ANKS6: variants seen among roughly 807,000 people sequenced by gnomAD.
ANKS6 encodes the protein ankyrin repeat and SAM domain-containing protein 6.
Under a neutral mutation model 77.9 loss-of-function variants are expected in ANKS6, and 47 were observed. The observed-to-expected ratio is 0.60, with a 90% CI of 0.48 to 0.77. The LOEUF is 0.77. Ranked by LOEUF, ANKS6 falls within the 30% of genes least tolerant of loss-of-function variation. The pLI, the probability that ANKS6 is intolerant of heterozygous loss-of-function variation, is 0.00. For synonymous variants in ANKS6, 488 were observed against 501.7 expected, an observed-to-expected ratio of 0.97 and a Z score of 0.37; for missense variants, 1,150 against 1,159.1, an observed-to-expected ratio of 0.99 and a Z score of 0.11.
chr9:98,750,549 C>T (rs1188478755), intron 13 of ANKS6, among the ~76,000 whole-genome samples: 1 of 152,178 alleles, frequency 6.6e-6, no homozygotes, highest in Non-Finnish European at 1.5e-5. Flanking sequence ...AGTAGGACTG[C>T]TGGGTCACAC....
chr9:98,756,651 GAAATGAGGA>G, intron 11 of ANKS6, 48 bp from the exon 12 acceptor site: 1 of 1,405,476 alleles, frequency 7.1e-7, no homozygotes, highest in Non-Finnish European at 9.3e-7. Context: ...CTGTAGGGTA[GAAATGAGGA>G]AAACAAGACA....
intron 11 of ANKS6, among the ~76,000 whole-genome samples, chr9:98,760,472 G>A (rs1440910859): frequency 6.6e-6 from 1 of 152,170 alleles, no homozygotes; most frequent in Non-Finnish European, 1.5e-5. Flanking sequence ...CTACTTAGGG[G>A]CTGCCAGCCA....
intron 14 of ANKS6, among the ~76,000 whole-genome samples, chr9:98,738,542 C>T (rs916570374): frequency 1.3e-5 from 2 of 151,284 alleles, no homozygotes; most frequent in African/African-American, 4.9e-5. Context: ...TGTGGTACCA[C>T]CTTACTCCTG....
intron 9 of ANKS6, among the ~76,000 whole-genome samples, chr9:98,772,164 T>A (rs951248597): frequency 2.6e-5 from 4 of 152,218 alleles, no homozygotes; most frequent in African/African-American, 9.6e-5. Flanking sequence ...ACCTAAGATG[T>A]GCCCAAGTCA....
chr9:98,753,661 A>G (rs890514273), intron 12 of ANKS6, among the ~76,000 whole-genome samples: 1 of 151,866 alleles, frequency 6.6e-6, no homozygotes, highest in Admixed American at 6.6e-5. Context: ...GTGTTTGCCA[A>G]TTTCCATGGT....
At chr9:98,748,616 T>C (rs1832268848) in intron 13 of ANKS6, among the ~76,000 whole-genome samples, 1 of 152,134 alleles carries the variant, frequency 6.6e-6, no homozygotes, top group Non-Finnish European at 1.5e-5. Context: ...GGAATGTGGA[T>C]GTGATGGCTG....
intron 14 of ANKS6, among the ~76,000 whole-genome samples, 183 bp from the exon 15 acceptor site, chr9:98,736,806 C>T (rs1169676838): frequency 1.3e-5 from 2 of 152,090 alleles, no homozygotes; most frequent in Admixed American, 1.3e-4. Flanking sequence ...TCAGAATCTC[C>T]CCAGTACCCA....
chr9:98,743,286 C>T (rs1253303206), intron 14 of ANKS6, among the ~76,000 whole-genome samples: 1 of 148,030 alleles, frequency 6.8e-6, no homozygotes, highest in Non-Finnish European at 1.5e-5. Context: ...CCCACCATCA[C>T]TCACCCACCT....
intron 1 of ANKS6, among the ~76,000 whole-genome samples, chr9:98,792,723 G>C (rs1296953532): frequency 6.6e-6 from 1 of 152,076 alleles, no homozygotes; most frequent in Non-Finnish European, 1.5e-5. Flanking sequence ...TCACAGATTA[G>C]GAAACTGAAG....
intron 11 of ANKS6, among the ~76,000 whole-genome samples, chr9:98,760,668 C>G (rs974885669): frequency 1.3e-5 from 2 of 152,206 alleles, no homozygotes; most frequent in East Asian, 3.8e-4. Context: ...TTGGGTCTGT[C>G]TTCTTTCACT....
rs200201069 is a variant in ANKS6, at chr9:98,790,194, C to T, written c.772G>A (p.Glu258Lys). The change falls in exon 2 of 15, where the codon GAG becomes AAG. Residue 258 changes from glutamate (E) to lysine (K), a missense_variant. Transcript: ENST00000353234. ...AGTGCAACCTCGAAGGCGGTCTTCTCCAGCACGCTGAGGTGGTCAGGGTTG... is the reference window on the plus strand; with the variant it reads ...AGTGCAACCTCGAAGGCGGTCTTCTTCAGCACGCTGAGGTGGTCAGGGTTG... ...GANPDHLSVL[E>K]KTAFEVALDC... is the part of the protein sequence containing the mutation. The T allele has an allele frequency of 1.9e-6, 3 of 1,604,048 alleles. No homozygotes were observed. The Admixed American group carries it at 5.0e-5, about 27-fold the overall frequency.
intron 6 of ANKS6, among the ~76,000 whole-genome samples, chr9:98,778,701 C>T (rs1834058777): frequency 6.6e-6 from 1 of 152,204 alleles, no homozygotes; most frequent in Non-Finnish European, 1.5e-5. Context: ...TCAATCTCCT[C>T]ATTGCACAGA....
intron 3 of ANKS6, 109 bp from the exon 4 acceptor site, chr9:98,784,266 T>A (rs1385622123): frequency 2.0e-6 from 2 of 1,001,500 alleles, no homozygotes; most frequent in African/African-American, 1.7e-5. Context: ...GCCTCTGCAG[T>A]GGGCTGCTGG....
At chr9:98,787,373 T>C (rs901893151) in intron 2 of ANKS6, among the ~76,000 whole-genome samples, 21 of 73,556 alleles carry the variant, frequency 2.9e-4, no homozygotes, top group African/African-American at 6.7e-4. Context: ...TACACTGCCC[T>C]TTTTTTTTTT....
intron 13 of ANKS6, among the ~76,000 whole-genome samples, chr9:98,749,036 G>A (rs1246035869): frequency 2.0e-5 from 3 of 152,154 alleles, no homozygotes; most frequent in African/African-American, 2.4e-5. Context: ...TGGGTCTGGT[G>A]GCAATCAGCA....
Position 98,796,125 on chromosome 9 carries a change from C to T in ANKS6, c.359+8G>A. 1 of 1,351,384 alleles carries T rather than the reference C, an allele frequency of 7.4e-7. No individual in the cohort carries two copies. Among genetic ancestry groups the T allele is most frequent in the South Asian group, 1.8e-5 (1 of 56,144 alleles). The allele number at this position is 1,351,384 out of a possible 1,614,324, so 83.7% of individuals were successfully genotyped here. On this transcript the variant is annotated splice_region_variant and intron_variant, in intron 1 of 14. Coordinates refer to ENST00000353234, the MANE Select transcript of ANKS6 (RefSeq NM_173551.5). ...CTGGTCCCGGGCCCCCGGGCCCCGC[C>T]GCCTCACCTGGCCGCCTGCATGAGC...
chr9:98,769,035 G>A lies in ANKS6; in HGVS notation c.1973-785C>T, dbSNP rs547984305. Among the ~76,000 whole-genome samples the A allele has an allele frequency of 4.3e-5, 5 of 117,202 alleles. No individual in the cohort carries two copies. In the South Asian group the frequency reaches 1.3e-3, roughly 31 times the overall value. The allele number at this position is 117,202 out of a possible 152,430, so 76.9% of individuals were successfully genotyped here. A position where few individuals can be genotyped will look rare whatever the true frequency, so the allele number is the denominator to read the frequency against. ...CCAGCTACTTGGGAGGCTGAGGGAG[G>A]AGGATCGCTTGAACCCAGAAGGGGG... On this transcript the variant is annotated intron_variant, in intron 10 of 14. Transcript: ENST00000353234.
Position 98,736,431 on chromosome 9 carries a change from A to G in ANKS6, c.*88T>C. ...GGGAACAACATGACTAAGGCACAGC[A>G]GTGTGACGGGGGCAGGGCTGGGGCT... is the stretch of plus-strand genomic sequence containing the variant. On this transcript the variant is annotated 3_prime_UTR_variant, in exon 15 of 15. Transcript: ENST00000353234. 2 of 1,473,936 alleles carry G rather than the reference A, an allele frequency of 1.4e-6. No homozygotes were observed. The highest frequency in any genetic ancestry group is 1.8e-6 in the Non-Finnish European group (2 of 1,112,334). The allele number at this position is 1,473,936 out of a possible 1,614,324, so 91.3% of individuals were successfully genotyped here. A position where few individuals can be genotyped will look rare whatever the true frequency, so the allele number is the denominator to read the frequency against.
chr9:98,773,976 C>A lies in ANKS6; in HGVS notation c.1722G>T (p.Arg574=). 1 of 1,597,736 alleles carries A rather than the reference C, an allele frequency of 6.3e-7. No homozygotes were observed. The highest frequency in any genetic ancestry group is 8.5e-7 in the Non-Finnish European group (1 of 1,173,642). Reference sequence around the variant, plus strand: ...CCTTCCCGTTGTGACGCGTCCGGGACCGATCAGAGCTCCACAGCTCAAAAC... The same window carrying A: ...CCTTCCCGTTGTGACGCGTCCGGGAACGATCAGAGCTCCACAGCTCAAAAC... ...PSSFELWSSD[R]SRTRHNGKAD... Residue 574 remains arginine (R), a synonymous_variant, in exon 9 of 15, where the codon CGG becomes CGT. Transcript: ENST00000353234.
Sources: gnomAD v4.1 joint callset for allele counts (sites outside exome capture counted in the v4.1 genomes callset) on GRCh38, gnomAD v4.1.1 for gene constraint, MANE v1.5 for transcripts, NCBI Gene and HGNC (gene_info 2026-07-23, HGNC 2026-07-21) for gene names.